MED12L: variants seen among roughly 807,000 people sequenced by gnomAD.
The protein encoded by MED12L is mediator complex subunit 12L.
Under a neutral mutation model 281.3 loss-of-function variants are expected in MED12L, and 60 were observed. The ratio of observed to expected loss-of-function variants is 0.21; its 90% CI spans 0.17 to 0.26. The LOEUF (loss-of-function observed/expected upper bound fraction) is 0.26. Ranked by LOEUF, MED12L falls within the 10% of genes least tolerant of loss-of-function variation. The pLI, the probability that MED12L is intolerant of heterozygous loss-of-function variation, is 1.00. For missense variants in MED12L, 2,146 were observed against 2,680.9 expected (o/e 0.80, Z 4.41); for synonymous variants, 974 against 987.2 (o/e 0.99, Z 0.25).
intron 28 of MED12L, 103 bp from the exon 29 acceptor site, chr3:151,376,697 A>G (rs1577494065): frequency 3.2e-6 from 3 of 930,036 alleles, no homozygotes; most frequent in East Asian, 2.5e-5. Context: ...TTCATTGTGT[A>G]TGATTATTCT....
intron 5 of MED12L, among the ~76,000 whole-genome samples, chr3:151,141,187 G>GTTTGTTTTTTTTTTT (rs1716933163): frequency 1.0e-5 from 1 of 99,108 alleles, no homozygotes; most frequent in African/African-American, 4.8e-5. Flanking sequence ...TGTTTTTTTT[G>GTTTGTTTTTTTTTTT]TTTTTTTTTT....
chr3:151,127,916 CTT>C lies in MED12L; in HGVS notation c.489_490del (p.Ala165LeufsTer7). Reference sequence around the variant, plus strand: ...CGAGCAACGTGGCTGATCAAGATGACTTGTGCCTATTATTCTGCTATATCTGA... The same window carrying C: ...CGAGCAACGTGGCTGATCAAGATGACGTGCCTATTATTCTGCTATATCTGA... On this transcript the variant is annotated frameshift_variant, in exon 5 of 45. Transcript: ENST00000687756. LOFTEE classifies it high-confidence loss of function. 6.2e-7 allele frequency: 1 copy of C among 1,614,028 alleles called. No homozygotes were observed. The highest frequency in any genetic ancestry group is 8.5e-7 in the Non-Finnish European group (1 of 1,179,920).
intron 17 of MED12L, 61 bp downstream of exon 17, chr3:151,350,267 G>A: frequency 6.5e-7 from 1 of 1,546,640 alleles, no homozygotes. Context: ...TCTGAGCACA[G>A]TCTTTATCAA....
At chr3:151,349,848 G>C (rs1752999338) in intron 16 of MED12L, among the ~76,000 whole-genome samples, 1 of 141,880 alleles carries the variant, frequency 7.0e-6, no homozygotes, top group South Asian at 2.3e-4. Context: ...CAGGTCAGTT[G>C]ACACTTTTTT....
chr3:151,309,394 C>T (rs895791624), intron 16 of MED12L, among the ~76,000 whole-genome samples: 1 of 152,090 alleles, frequency 6.6e-6, no homozygotes, highest in Non-Finnish European at 1.5e-5. Context: ...TTCTTGATGT[C>T]CTCTTCTGTC....
At chr3:151,129,295 T>A (rs1299386802) in intron 5 of MED12L, among the ~76,000 whole-genome samples, 2 of 152,298 alleles carry the variant, frequency 1.3e-5, no homozygotes, top group East Asian at 3.9e-4. Flanking sequence ...ATGGTCTGAA[T>A]TCTGTGGCTG....
intron 16 of MED12L, among the ~76,000 whole-genome samples, chr3:151,316,039 G>A (rs1748192162): frequency 6.6e-6 from 1 of 152,170 alleles, no homozygotes; most frequent in South Asian, 2.1e-4. Context: ...TAACCTGTTT[G>A]TCAGTCACTG....
intron 2 of MED12L, among the ~76,000 whole-genome samples, chr3:151,102,686 T>A (rs1721533379): frequency 6.6e-6 from 1 of 152,190 alleles, no homozygotes; most frequent in African/African-American, 2.4e-5. Context: ...TTGCCCAGGC[T>A]GGTCTTGAAT....
At chr3:151,144,078 G>A (rs757219181) in intron 5 of MED12L, among the ~76,000 whole-genome samples, 1 of 152,172 alleles carries the variant, frequency 6.6e-6, no homozygotes, top group Non-Finnish European at 1.5e-5. Flanking sequence ...CCTGTTGGTG[G>A]CACATGTTCA....
At chr3:151,361,603 A>G (rs981404506) in intron 21 of MED12L, among the ~76,000 whole-genome samples, 1 of 152,112 alleles carries the variant, frequency 6.6e-6, no homozygotes, top group African/African-American at 2.4e-5. Flanking sequence ...AGAAAGTTGT[A>G]TTTTTATAAA....
chr3:151,415,174 A>C (rs1170491032), intron 42 of MED12L, among the ~76,000 whole-genome samples: 1 of 152,176 alleles, frequency 6.6e-6, no homozygotes, highest in Non-Finnish European at 1.5e-5. Flanking sequence ...TTCTTATTAG[A>C]CCATATGTAC....
chr3:151,106,301 T>C lies in MED12L; in HGVS notation c.100-10037T>C, dbSNP rs28452168. Among the ~76,000 whole-genome samples the C allele has an allele frequency of 3.7e-3, 357 of 97,682 alleles. 1 individual carries two copies. The highest frequency in any genetic ancestry group is 0.011 in the African/African-American group (192 of 18,108). 64.1% of individuals were successfully genotyped at this position (97,682 alleles called of 152,430 possible). A position where few individuals can be genotyped will look rare whatever the true frequency, so the allele number is the denominator to read the frequency against. The stretch of plus-strand genomic sequence containing the variant: ...CCTTTCCTTTTCCTTTTCCTTTTCC[T>C]TTTCCTTCTCCCCTCCCCTCCCCTC... On this transcript the variant is annotated intron_variant, in intron 2 of 44. Transcript: ENST00000687756.
At chr3:151,114,584 C>T (rs768347752) in intron 2 of MED12L, among the ~76,000 whole-genome samples, 28 of 152,046 alleles carry the variant, frequency 1.8e-4, no homozygotes, top group Non-Finnish European at 3.4e-4. Context: ...ATTCTTGTGC[C>T]GTGGCTACCA....
Position 151,176,233 on chromosome 3 carries a change from A to G in MED12L, c.1495-9097A>G, listed in dbSNP as rs181207047. Reference sequence around the variant, plus strand: ...TAACCTTTAGACTTTAGTTTGCTCAACTGTAAAATGATAGGATTGTCATTA... The same window carrying G: ...TAACCTTTAGACTTTAGTTTGCTCAGCTGTAAAATGATAGGATTGTCATTA... On this transcript the variant is annotated intron_variant, in intron 11 of 44. Coordinates refer to ENST00000687756, the MANE Select transcript of MED12L (RefSeq NM_001393769.1). Among the ~76,000 whole-genome samples, 19 of 152,254 alleles carry G rather than the reference A, an allele frequency of 1.2e-4. No individual in the cohort carries two copies. In the East Asian group the frequency reaches 3.3e-3, roughly 26 times the overall value.
rs367819931 is a variant in MED12L at position 151,396,649 on chromosome 3, ATAAAG to A, written c.5820+1792_5820+1796del. Among the ~76,000 whole-genome samples the A allele has an allele frequency of 5.9e-3, 892 of 152,296 alleles. 7 individuals are homozygous for A. The highest frequency in any genetic ancestry group is 0.023 in the South Asian group (112 of 4,824). On this transcript the variant is annotated intron_variant, in intron 39 of 44. Transcript: ENST00000687756. ...TCAAGAAAAATAAATAAAATAATAA[ATAAAG>A]TAAAGTAAAACTTGCCACTTTAATT...
chr3:151,429,320 T>G (rs1719201502), intron 43 of MED12L, among the ~76,000 whole-genome samples: 1 of 152,032 alleles, frequency 6.6e-6, no homozygotes, highest in Non-Finnish European at 1.5e-5. Flanking sequence ...GAGCCAGCCT[T>G]GTTGATGCCC....
intron 16 of MED12L, among the ~76,000 whole-genome samples, chr3:151,272,778 T>C (rs1741196504): frequency 6.6e-6 from 1 of 152,158 alleles, no homozygotes; most frequent in South Asian, 2.1e-4. Flanking sequence ...GGCTATAATG[T>C]TTTGACTCTC....
At chr3:151,204,680 T>C (rs1726110201) in intron 16 of MED12L, among the ~76,000 whole-genome samples, 1 of 152,170 alleles carries the variant, frequency 6.6e-6, no homozygotes, top group Non-Finnish European at 1.5e-5. Context: ...TTACATCCAC[T>C]GGAGGGTAGA....
At chr3:151,098,680 T>C (rs1721036708) in intron 2 of MED12L, among the ~76,000 whole-genome samples, 1 of 152,218 alleles carries the variant, frequency 6.6e-6, no homozygotes, top group Non-Finnish European at 1.5e-5. Context: ...GATGATCTCA[T>C]CCTTAATTAC....
Sources: gnomAD v4.1 joint callset for allele counts (sites outside exome capture counted in the v4.1 genomes callset) on GRCh38, gnomAD v4.1.1 for gene constraint, MANE v1.5 for transcripts, NCBI Gene and HGNC (gene_info 2026-07-23, HGNC 2026-07-21) for gene names.